The following METRNL variants were observed in gnomAD, a reference collection of about 807,000 sequenced individuals.
METRNL encodes the protein meteorin-like protein.
A neutral mutation model predicts 17.4 loss-of-function variants in METRNL; 9 were observed. That is an observed-to-expected ratio of 0.52 (90% CI 0.31 to 0.90). METRNL has a LOEUF of 0.90. Ranked by LOEUF, METRNL falls within the 40% of genes least tolerant of loss-of-function variation. METRNL has a pLI of 0.05. For synonymous variants in METRNL, 215 were observed against 199.3 expected, an observed-to-expected ratio of 1.08 and a Z score of -0.66; for missense variants, 408 against 430.7, an observed-to-expected ratio of 0.95 and a Z score of 0.47.
chr17:83,082,901 C>T (rs560657617), intron 1 of METRNL, among the ~76,000 whole-genome samples: 35 of 152,310 alleles, frequency 2.3e-4, no homozygotes, highest in Non-Finnish European at 2.1e-4. Flanking sequence ...CCTACGTCAG[C>T]GGGTCTGGTT....
chr17:83,087,620 G>T (rs562389101), intron 2 of METRNL, among the ~76,000 whole-genome samples: 1 of 152,342 alleles, frequency 6.6e-6, no homozygotes, highest in South Asian at 2.1e-4. Context: ...GTGGAATGTC[G>T]GTGCCGGCCG....
In METRNL at chr17:83,093,176, G is replaced by A. The variant is rs367955508; in HGVS notation, c.566G>A (p.Arg189His). 9.3e-6 allele frequency: 15 copies of A among 1,607,826 alleles called. No homozygotes were observed. The highest frequency in any genetic ancestry group is 2.7e-5 in the African/African-American group (2 of 74,914). The change falls in exon 3 of 4, where the codon CGT becomes CAT. Residue 189 changes from arginine to histidine, a missense_variant. Transcript: ENST00000320095. Reference protein sequence around the residue: ...SDLHELSAPCRPCSDTEVLLA... With the variant: ...SDLHELSAPCHPCSDTEVLLA... Reference sequence around the variant, plus strand: ...TGCCTTTCTTCTCCAGCGCCGTGCCGTCCCTGCAGTGACACCGAGGTGCTC... The same window carrying A: ...TGCCTTTCTTCTCCAGCGCCGTGCCATCCCTGCAGTGACACCGAGGTGCTC...
chr17:83,081,178 A>G lies in METRNL; in HGVS notation c.170+1193A>G, dbSNP rs1275151826. The stretch of plus-strand genomic sequence containing the variant: ...GCCGAGCGGGGCCGCGGGCGGATGG[A>G]GGTCTGGGGGGGGTCGGCCGGGAAC... On this transcript the variant is annotated intron_variant, in intron 1 of 3. Transcript: ENST00000320095. 2.0e-5 allele frequency among the ~76,000 whole-genome samples: 3 copies of G among 150,718 alleles called. No individual in the cohort carries two copies. The East Asian group carries it at 5.9e-4, about 30-fold the overall frequency.
chr17:83,085,441 C>G lies in METRNL; in HGVS notation c.556+118C>G, dbSNP rs1046857321. 3.2e-5 allele frequency: 43 copies of G among 1,327,244 alleles called. No homozygotes were observed. In the Admixed American group the frequency reaches 8.5e-4, roughly 26 times the overall value. The allele number at this position is 1,327,244 out of a possible 1,614,324, so 82.2% of individuals were successfully genotyped here. On this transcript the variant is annotated intron_variant, in intron 2 of 3. Coordinates refer to ENST00000320095, the MANE Select transcript of METRNL (RefSeq NM_001004431.3). ...CTGCTCAGCCTTGGTGAAAACCCTTCTGTGTCTGTGCTTCGGACATGACTG... is the reference window on the plus strand; with the variant it reads ...CTGCTCAGCCTTGGTGAAAACCCTTGTGTGTCTGTGCTTCGGACATGACTG...
rs568153495 is a variant in METRNL at position 83,086,662 on chromosome 17, T to G, written c.556+1339T>G. Among the ~76,000 whole-genome samples, 301 of 152,160 alleles carry G rather than the reference T, an allele frequency of 2.0e-3. 2 individuals carry two copies. Among genetic ancestry groups the G allele is most frequent in the African/African-American group, 7.0e-3 (291 of 41,490 alleles). On this transcript the variant is annotated intron_variant, in intron 2 of 3. Coordinates refer to ENST00000320095, the MANE Select transcript of METRNL (RefSeq NM_001004431.3). ...ACATTCTTTCTGCTGATTAAAGTGG[T>G]GATTGGTCTTGAAGACGTTGGGCTG...
At chr17:83,088,509 G>A (rs2038078303) in intron 2 of METRNL, among the ~76,000 whole-genome samples, 1 of 152,208 alleles carries the variant, frequency 6.6e-6, no homozygotes, top group South Asian at 2.1e-4. Context: ...TCTGTGCTTG[G>A]GGTTTGGGGT....
chr17:83,094,617 C>T lies in METRNL; in HGVS notation c.*42C>T. 1 of 1,399,162 alleles carries T rather than the reference C, an allele frequency of 7.1e-7. No homozygotes were observed. Among genetic ancestry groups the T allele is most frequent in the Non-Finnish European group, 9.3e-7 (1 of 1,070,492 alleles). 86.7% of individuals were successfully genotyped at this position (1,399,162 alleles called of 1,614,324 possible). ...CCTTCCTCTCCTGATGAGTCACAGG[C>T]TGCGGTGGGCGCTGCGGTCCTGGTG... On this transcript the variant is annotated 3_prime_UTR_variant, in exon 4 of 4. Coordinates refer to ENST00000320095, the MANE Select transcript of METRNL (RefSeq NM_001004431.3).
intron 1 of METRNL, among the ~76,000 whole-genome samples, chr17:83,081,082 TG>T (rs900829657): frequency 7.9e-5 from 12 of 151,088 alleles, no homozygotes; most frequent in African/African-American, 2.7e-4. Context: ...GGCGTGGCGC[TG>T]GGGGGCAGAG....
intron 1 of METRNL, among the ~76,000 whole-genome samples, chr17:83,081,295 G>A (rs1477670550): frequency 6.6e-6 from 1 of 152,124 alleles, no homozygotes; most frequent in South Asian, 2.1e-4. Context: ...GCCTCTGCCC[G>A]GCGGGTCGGT....
intron 1 of METRNL, among the ~76,000 whole-genome samples, chr17:83,083,396 C>T (rs974019952): frequency 6.6e-6 from 1 of 152,144 alleles, no homozygotes; most frequent in Non-Finnish European, 1.5e-5. Context: ...GCCTCGATGC[C>T]AGAGACGGGA....
intron 1 of METRNL, 43 bp downstream of exon 1, chr17:83,080,028 G>A: frequency 1.0e-6 from 1 of 1,000,588 alleles, no homozygotes; most frequent in African/African-American, 1.8e-5. Context: ...CCCTCCCCTC[G>A]CGTCCCCTCC....
intron 2 of METRNL, among the ~76,000 whole-genome samples, chr17:83,086,018 C>T (rs1189492932): frequency 1.3e-5 from 2 of 152,214 alleles, no homozygotes; most frequent in Middle Eastern, 3.4e-3. Context: ...GGAGGTGTCA[C>T]GTGGCGTCTC....
chr17:83,092,982 C>G (rs1254211106), intron 2 of METRNL, among the ~76,000 whole-genome samples, 185 bp from the exon 3 acceptor site: 1 of 152,162 alleles, frequency 6.6e-6, no homozygotes, highest in African/African-American at 2.4e-5. Context: ...GTCTCCCGTG[C>G]TGCCGGCCCC....
In METRNL at chr17:83,085,278, G is replaced by C. The variant is rs770942902; in HGVS notation, c.511G>C (p.Glu171Gln). ...IGRRTTGFQYELVRRHRASDL... is the reference protein window; with the variant it reads ...IGRRTTGFQYQLVRRHRASDL... The stretch of plus-strand genomic sequence containing the variant: ...CCGGAGGACCACAGGCTTCCAGTAC[G>C]AGCTGGTTAGGAGGCACAGGGCGTC... The change falls in exon 2 of 4, where the codon GAG becomes CAG. Residue 171 changes from glutamate (E) to glutamine (Q), a missense_variant. Transcript: ENST00000320095. The C allele has an allele frequency of 1.3e-6, 2 of 1,554,650 alleles. No homozygotes were observed. Among genetic ancestry groups the C allele is most frequent in the East Asian group, 2.3e-5 (1 of 44,338 alleles).
chr17:83,084,877 G>C, intron 1 of METRNL, 61 bp from the exon 2 acceptor site: 2 of 1,550,038 alleles, frequency 1.3e-6, no homozygotes, highest in Non-Finnish European at 1.7e-6. Flanking sequence ...ACTCTCTGTG[G>C]GTGCGGGTGG....
At chr17:83,084,834 C>T (rs966738612) in intron 1 of METRNL, 104 bp from the exon 2 acceptor site, 91 of 1,445,566 alleles carry the variant, frequency 6.3e-5, no homozygotes, top group South Asian at 1.4e-4. Flanking sequence ...GTCCAGGAGC[C>T]GCCATCATTT....
Position 83,094,886 on chromosome 17 carries a change from C to T in METRNL, c.*311C>T. ...AAACGCCTTGGTGTGCCGTCTGATA[C>T]TGTTCTCTAAAGACGTTAGGAGTCA... On this transcript the variant is annotated 3_prime_UTR_variant, in exon 4 of 4. Coordinates refer to ENST00000320095, the MANE Select transcript of METRNL (RefSeq NM_001004431.3). 1 of 308,510 alleles carries T rather than the reference C, an allele frequency of 3.2e-6. No individual in the cohort carries two copies. The highest frequency in any genetic ancestry group is 5.1e-5 in the East Asian group (1 of 19,478). The allele number at this position is 308,510 out of a possible 1,614,324, so 19.1% of individuals were successfully genotyped here.
intron 2 of METRNL, among the ~76,000 whole-genome samples, chr17:83,091,801 G>A (rs1350391619): frequency 4.6e-5 from 7 of 152,246 alleles, no homozygotes; most frequent in Non-Finnish European, 8.8e-5. Context: ...CGAAACCAGT[G>A]CCATTGAGAT....
chr17:83,093,259 T>C, intron 3 of METRNL, 33 bp downstream of exon 3: 1 of 1,581,606 alleles, frequency 6.3e-7, no homozygotes, highest in Non-Finnish European at 8.6e-7. Context: ...CTACCTCCTG[T>C]GCTCCTGGTT....
Sources: allele counts gnomAD v4.1 joint callset (sites outside exome capture counted in the v4.1 genomes callset), GRCh38; gene constraint gnomAD v4.1.1; transcripts MANE v1.5; gene names NCBI Gene and HGNC (gene_info 2026-07-23, HGNC 2026-07-21).